The following PADI4 variants were observed in gnomAD, a reference collection of about 807,000 sequenced individuals.
PADI4 encodes the protein protein-arginine deiminase type-4.
A neutral mutation model predicts 75.0 loss-of-function variants in PADI4; 62 were observed. The observed-to-expected ratio is 0.83, with a 90% CI of 0.67 to 1.02. PADI4 has a LOEUF of 1.02. PADI4 is among the 50% of genes least tolerant of loss of function. The probability of loss-of-function intolerance (pLI) is 0.00; values close to 1 mark genes in which losing one functional copy is unlikely to be tolerated. For synonymous variants in PADI4, 361 were observed against 348.1 expected (o/e 1.04, Z -0.41); for missense variants, 845 against 850.5 (o/e 0.99, Z 0.08).
rs2100247104 is a variant in PADI4, at chr1:17,356,190, G to A, written c.1455+63G>A. ...CTTCCTGGGTAGACCCTCTGCCTGG[G>A]GTGGGAGCAACTTTACTTGTCTATT... On this transcript the variant is annotated intron_variant, in intron 12 of 15. Coordinates refer to ENST00000375448, the MANE Select transcript of PADI4 (RefSeq NM_012387.3). This position sits in a 1 kb window ranked among gnomAD's most constrained non-coding sequence, Gnocchi z 4.1. 1 of 1,554,870 alleles carries A rather than the reference G, an allele frequency of 6.4e-7. No individual in the cohort carries two copies. Among genetic ancestry groups the A allele is most frequent in the Non-Finnish European group, 8.8e-7 (1 of 1,136,434 alleles).
chr1:17,319,124 A>T lies in PADI4; in HGVS notation c.92+10810A>T, dbSNP rs80160470. 5.5e-3 allele frequency among the ~76,000 whole-genome samples: 841 copies of T among 152,164 alleles called. 10 individuals carry two copies. The highest frequency in any genetic ancestry group is 0.019 in the African/African-American group (806 of 41,512). On this transcript the variant is annotated intron_variant, in intron 1 of 15. Coordinates refer to ENST00000375448, the MANE Select transcript of PADI4 (RefSeq NM_012387.3). ...GTGCCTGGCCAGTATACTAACTTTTAAAAAAATCTACTACCACATGCCCCT... is the reference window on the plus strand; with the variant it reads ...GTGCCTGGCCAGTATACTAACTTTTTAAAAAATCTACTACCACATGCCCCT...
chr1:17,336,508 G>C (rs918898294), intron 4 of PADI4, among the ~76,000 whole-genome samples: 1 of 152,204 alleles, frequency 6.6e-6, no homozygotes, highest in Non-Finnish European at 1.5e-5. Flanking sequence ...TTCGTGGGCA[G>C]GTCTCGACTC....
chr1:17,348,189 G>T (rs1175221388), intron 10 of PADI4, 141 bp downstream of exon 10: 7 of 544,688 alleles, frequency 1.3e-5, no homozygotes, highest in Non-Finnish European at 2.3e-5. Context: ...CAAAGTGGGA[G>T]CATGTAGGTG....
In PADI4 at chr1:17,360,293, GAA is replaced by G. The variant is rs59638967; in HGVS notation, c.1758+899_1758+900del. Among the ~76,000 whole-genome samples, 143 of 129,838 alleles carry G rather than the reference GAA, an allele frequency of 1.1e-3. 1 individual carries two copies. The highest frequency in any genetic ancestry group is 3.5e-3 in the African/African-American group (124 of 35,774). The allele number at this position is 129,838 out of a possible 152,430, so 85.2% of individuals were successfully genotyped here. ...GTAACAGAGTGAGACTTTGTCTCGG[GAA>G]AAAAAAAAAAAAAGACAGTCATCTT... On this transcript the variant is annotated intron_variant, in intron 15 of 15. Transcript: ENST00000375448.
At chr1:17,338,884 T>C (rs1284557947) in intron 5 of PADI4, among the ~76,000 whole-genome samples, 2 of 152,182 alleles carry the variant, frequency 1.3e-5, no homozygotes, top group East Asian at 3.9e-4. Flanking sequence ...GAAATGGATG[T>C]ATTTTCAAGT....
chr1:17,324,562 G>C (rs1434515550), intron 1 of PADI4, among the ~76,000 whole-genome samples: 1 of 152,058 alleles, frequency 6.6e-6, no homozygotes, highest in Non-Finnish European at 1.5e-5. Flanking sequence ...TGAACTCCTG[G>C]CTCAAGTGAT....
At chr1:17,342,846 C>T (rs2074448017) in intron 8 of PADI4, among the ~76,000 whole-genome samples, 1 of 152,114 alleles carries the variant, frequency 6.6e-6, no homozygotes, top group Non-Finnish European at 1.5e-5. Context: ...CGTGGTGGCG[C>T]ATGCCTGTAA....
At chr1:17,330,864 C>A in intron 1 of PADI4, 105 bp from the exon 2 acceptor site, 1 of 728,016 alleles carries the variant, frequency 1.4e-6, no homozygotes, top group Non-Finnish European at 2.2e-6. Context: ...TCCAAACAAG[C>A]TGACACCTAA....
In PADI4 at chr1:17,356,277, C is replaced by T. The variant is rs1399111565; in HGVS notation, c.1456-80C>T. 3 of 1,270,704 alleles carry T rather than the reference C, an allele frequency of 2.4e-6. No individual in the cohort carries two copies. Among genetic ancestry groups the T allele is most frequent in the East Asian group, 5.0e-5 (2 of 40,164 alleles). The allele number at this position is 1,270,704 out of a possible 1,614,324, so 78.7% of individuals were successfully genotyped here. On this transcript the variant is annotated intron_variant, in intron 12 of 15. Transcript: ENST00000375448. The surrounding 1 kb of genome is among the most constrained non-coding windows in gnomAD (Gnocchi z 4.1). Reference sequence around the variant, plus strand: ...CCAGCTTGGGTCCAAGTCCACACTACTCCCACCCTCAGCAGATCCACCCTC... The same window carrying T: ...CCAGCTTGGGTCCAAGTCCACACTATTCCCACCCTCAGCAGATCCACCCTC...
chr1:17,352,871 G>A (rs926200151), intron 10 of PADI4, among the ~76,000 whole-genome samples: 10 of 152,294 alleles, frequency 6.6e-5, no homozygotes, highest in African/African-American at 1.9e-4. Flanking sequence ...GAGGGTTGTC[G>A]GCTCGGGAAC....
chr1:17,318,690 CTT>C (rs11464953), intron 1 of PADI4, among the ~76,000 whole-genome samples: 4 of 143,038 alleles, frequency 2.8e-5, no homozygotes, highest in Non-Finnish European at 1.5e-5. Flanking sequence ...GATTTTTTTT[CTT>C]TTTTTTTTTT....
rs2074817295 is a variant in PADI4 at position 17,359,396 on chromosome 1, T to C, written c.1746T>C (p.Phe582=). 3 of 1,614,100 alleles carry C rather than the reference T, an allele frequency of 1.9e-6. No individual in the cohort carries two copies. The highest frequency in any genetic ancestry group is 2.2e-5 in the South Asian group (2 of 91,074). ...AAGAGTTCTCTAAGGCGGAAGCTTT[T>C]TTCCCCAACATGGTGAGGAGGTGGC... The part of the protein sequence containing the change: ...KLKEFSKAEA[F]FPNMVNMLVL... The change falls in exon 15 of 16, where the codon TTT becomes TTC. Residue 582 remains phenylalanine (F), a synonymous_variant. Coordinates refer to ENST00000375448, the MANE Select transcript of PADI4 (RefSeq NM_012387.3).
intron 2 of PADI4, among the ~76,000 whole-genome samples, chr1:17,332,881 G>A (rs776159246): frequency 6.6e-6 from 1 of 152,134 alleles, no homozygotes; most frequent in Non-Finnish European, 1.5e-5. Flanking sequence ...ACCCACCTAA[G>A]AGCAGGAGAG....
chr1:17,340,789 GC>G (rs2074403841), intron 6 of PADI4, among the ~76,000 whole-genome samples: 1 of 143,982 alleles, frequency 6.9e-6, no homozygotes, highest in South Asian at 2.2e-4. Context: ...TCTATTCCAA[GC>G]TTTTTTTTTT....
intron 1 of PADI4, among the ~76,000 whole-genome samples, 195 bp downstream of exon 1, chr1:17,308,509 C>T (rs932638690): frequency 3.3e-5 from 5 of 152,156 alleles, no homozygotes; most frequent in African/African-American, 1.2e-4. Flanking sequence ...GGTTCTTTGC[C>T]ATGTACAAGT....
chr1:17,335,105 A>G (rs1635595), intron 3 of PADI4, among the ~76,000 whole-genome samples: 14,554 of 152,198 alleles, frequency 0.096, 773 homozygotes, highest in African/African-American at 0.14. Flanking sequence ...ACTGCACTCC[A>G]GCCTGGGTGA....
chr1:17,332,922 G>A (rs921383055), intron 2 of PADI4, among the ~76,000 whole-genome samples: 1 of 152,158 alleles, frequency 6.6e-6, no homozygotes, highest in Admixed American at 6.5e-5. Context: ...GGGGCAGGCT[G>A]TGTGCACTCT....
chr1:17,328,114 C>G (rs996951733), intron 1 of PADI4, among the ~76,000 whole-genome samples: 3 of 152,080 alleles, frequency 2.0e-5, no homozygotes, highest in African/African-American at 7.2e-5. Flanking sequence ...TCCTTGACCT[C>G]CTGGACTCAA....
intron 8 of PADI4, 119 bp downstream of exon 8, chr1:17,342,521 TGCTTGTTGGGG>T: frequency 1.5e-6 from 1 of 655,008 alleles, no homozygotes; most frequent in Non-Finnish European, 2.7e-6. Flanking sequence ...GAGAGCTTGC[TGCTTGTTGGGG>T]GCTCTAAAAA....
Sources: gnomAD v4.1 joint callset for allele counts (sites outside exome capture counted in the v4.1 genomes callset) on GRCh38, gnomAD v4.1.1 for gene constraint, Gnocchi (gnomAD v3.1) non-coding constraint, MANE v1.5 for transcripts, NCBI Gene and HGNC (gene_info 2026-07-23, HGNC 2026-07-21) for gene names.